Variants in DHRSX observed in about 807,000 individuals in gnomAD.
DHRSX encodes the protein dehydrogenase/reductase X-linked.
DHRSX carries 31 observed loss-of-function variants against 34.0 expected under a neutral mutation model. The ratio of observed to expected loss-of-function variants is 0.91; its 90% CI spans 0.69 to 1.23. The LOEUF (loss-of-function observed/expected upper bound fraction) is 1.23. Ranked by LOEUF, DHRSX falls within the 50% of genes most tolerant of loss-of-function variation. The pLI, the probability that DHRSX is intolerant of heterozygous loss-of-function variation, is 0.00. For missense variants in DHRSX, 414 were observed against 428.1 expected, an observed-to-expected ratio of 0.97 and a Z score of 0.29; for synonymous variants, 201 against 183.8, an observed-to-expected ratio of 1.09 and a Z score of -0.76.
At chrX:2,305,079 T>A (rs2042083516) in intron 3 of DHRSX, among the ~76,000 whole-genome samples, 1 of 152,026 alleles carries the variant, frequency 6.6e-6, no homozygotes, top group African/African-American at 2.4e-5. Context: ...CTAGAAGCCA[T>A]TATTCTTGGC....
chrX:2,483,477 C>T (rs2044805549), intron 1 of DHRSX, among the ~76,000 whole-genome samples: 2 of 152,036 alleles, frequency 1.3e-5, no homozygotes, highest in Non-Finnish European at 2.9e-5. Context: ...CCATGTTGCC[C>T]AGGCTGGTCT....
chrX:2,251,383 G>A (rs1361703187), intron 5 of DHRSX, among the ~76,000 whole-genome samples: 2 of 152,264 alleles, frequency 1.3e-5, no homozygotes, highest in East Asian at 1.9e-4. Context: ...CAAGCATTAC[G>A]TCACAGCCTG....
intron 4 of DHRSX, among the ~76,000 whole-genome samples, chrX:2,283,776 CA>C (rs1284923249): frequency 1.3e-5 from 2 of 152,236 alleles, no homozygotes; most frequent in Non-Finnish European, 2.9e-5. Context: ...CATTCATTTG[CA>C]TCATTTGAAT....
intron 1 of DHRSX, among the ~76,000 whole-genome samples, chrX:2,473,764 G>A (rs2925854): frequency 2.2e-5 from 3 of 138,486 alleles, no homozygotes; most frequent in African/African-American, 3.1e-5. Flanking sequence ...CACGAATATA[G>A]AGAAACACAC....
chrX:2,467,954 C>T (rs962828092), intron 1 of DHRSX, among the ~76,000 whole-genome samples: 70 of 137,390 alleles, frequency 5.1e-4, no homozygotes, highest in African/African-American at 1.9e-3. Flanking sequence ...CACAGTAAAA[C>T]TCCGTCTCAA....
At chrX:2,324,540 A>C (rs73630207) in intron 3 of DHRSX, among the ~76,000 whole-genome samples, 4,496 of 152,108 alleles carry the variant, frequency 0.03, 89 homozygotes, top group South Asian at 0.063. Context: ...GTTCCATAAC[A>C]CTGGATAGGA....
At chrX:2,333,695 G>A (rs2042512455) in intron 3 of DHRSX, among the ~76,000 whole-genome samples, 1 of 152,202 alleles carries the variant, frequency 6.6e-6, no homozygotes. Context: ...TTACAGGTGT[G>A]AGCCACTGCG....
At chrX:2,400,036 CAA>C (rs901222613) in intron 3 of DHRSX, among the ~76,000 whole-genome samples, 3 of 151,922 alleles carry the variant, frequency 2.0e-5, no homozygotes, top group African/African-American at 7.3e-5. Context: ...ACCTTGTCTC[CAA>C]AACAACAAAA....
rs1375490394 is a variant in DHRSX at position 2,460,167 on chromosome X, C to G, written c.110-34863G>C. On this transcript the variant is annotated intron_variant, in intron 1 of 6. Transcript: ENST00000334651. ...TGCAGCGTGGACCAGAAGAGATGAC[C>G]TTCCAGTGAGCACACGAGGTCCTCT... Among the ~76,000 whole-genome samples the G allele has an allele frequency of 3.3e-5, 5 of 152,214 alleles. No homozygotes were observed. The East Asian group carries it at 9.7e-4, about 29-fold the overall frequency.
At chrX:2,460,375 C>T (rs752668924) in intron 1 of DHRSX, among the ~76,000 whole-genome samples, 1 of 152,220 alleles carries the variant, frequency 6.6e-6, no homozygotes, top group African/African-American at 2.4e-5. Flanking sequence ...AGAAATGGAA[C>T]GTTCTGGGGG....
intron 3 of DHRSX, among the ~76,000 whole-genome samples, chrX:2,313,077 G>A (rs1376161366): frequency 8.7e-5 from 13 of 149,594 alleles, no homozygotes; most frequent in Non-Finnish European, 1.5e-4. Flanking sequence ...ATCTTGGCTC[G>A]CTGCAACCTC....
chrX:2,489,899 T>C, intron 1 of DHRSX: 1 of 1,613,856 alleles, frequency 6.2e-7, no homozygotes, highest in South Asian at 1.1e-5. Context: ...CTTCACGATG[T>C]CCTTGCCATA....
intron 3 of DHRSX, among the ~76,000 whole-genome samples, chrX:2,324,166 C>G (rs1270572530): frequency 6.6e-6 from 1 of 151,978 alleles, no homozygotes; most frequent in Non-Finnish European, 1.5e-5. Context: ...TCTGGTAGAC[C>G]AGATACCTGC....
At chrX:2,405,903 T>TA (rs771086694) in intron 3 of DHRSX, among the ~76,000 whole-genome samples, 11 of 84,252 alleles carry the variant, frequency 1.3e-4, no homozygotes, top group Non-Finnish European at 2.1e-4. Flanking sequence ...GATGTGCATT[T>TA]AAAAAAAAAA....
At chrX:2,408,104 T>C (rs2043580635) in intron 3 of DHRSX, among the ~76,000 whole-genome samples, 1 of 149,062 alleles carries the variant, frequency 6.7e-6, no homozygotes, top group Non-Finnish European at 1.5e-5. Flanking sequence ...GTTTGATTTA[T>C]CTTTTTTTCT....
intron 3 of DHRSX, among the ~76,000 whole-genome samples, chrX:2,320,852 A>G (rs191431457): frequency 0.011 from 1,660 of 152,016 alleles, 20 homozygotes; most frequent in Non-Finnish European, 0.018. Flanking sequence ...TCTAAAGATA[A>G]AGAGGGTTAA....
At chrX:2,326,115 G>T (rs1225446649) in intron 3 of DHRSX, among the ~76,000 whole-genome samples, 1 of 152,196 alleles carries the variant, frequency 6.6e-6, no homozygotes, top group African/African-American at 2.4e-5. Flanking sequence ...ACAGACAGGT[G>T]GCAAGTGGAA....
At chrX:2,321,682 G>A (rs1336571021) in intron 3 of DHRSX, among the ~76,000 whole-genome samples, 2 of 151,982 alleles carry the variant, frequency 1.3e-5, no homozygotes, top group Non-Finnish European at 2.9e-5. Context: ...TCTGCCTCCA[G>A]TACTATAGAG....
chrX:2,484,011 T>A (rs2044817652), intron 1 of DHRSX, among the ~76,000 whole-genome samples: 1 of 152,204 alleles, frequency 6.6e-6, no homozygotes, highest in Admixed American at 6.5e-5. Context: ...GTCTCGCTCT[T>A]GTCGCCCAGG....
Sources: gnomAD v4.1 joint callset for allele counts (sites outside exome capture counted in the v4.1 genomes callset) on GRCh38, gnomAD v4.1.1 for gene constraint, MANE v1.5 for transcripts, NCBI Gene and HGNC (gene_info 2026-07-23, HGNC 2026-07-21) for gene names.